HMCN2: variants seen among roughly 807,000 people sequenced by gnomAD.
The protein encoded by HMCN2 is hemicentin 2.
Under a neutral mutation model 377.5 loss-of-function variants are expected in HMCN2, and 325 were observed. That is an observed-to-expected ratio of 0.86 (90% CI 0.79 to 0.94). The LOEUF (loss-of-function observed/expected upper bound fraction) is 0.94. Ranked by LOEUF, HMCN2 falls within the 40% of genes least tolerant of loss-of-function variation. The pLI is 0.00. For missense variants in HMCN2, 4,543 were observed against 4,725.3 expected (o/e 0.96, Z 1.13); for synonymous variants, 2,007 against 2,046.8 (o/e 0.98, Z 0.53).
Position 130,418,636 on chromosome 9 carries a change from G to T in HMCN2, c.12962-136G>T, listed in dbSNP as rs1201792414. On this transcript the variant is annotated intron_variant, in intron 85 of 97. Coordinates refer to ENST00000683500, the MANE Select transcript of HMCN2 (RefSeq NM_001291815.2). Reference sequence around the variant, plus strand: ...GGGAAATATTCAGGAACGATGACTGGGTGGAAGGATCCTATGCAGTTCTTA... The same window carrying T: ...GGGAAATATTCAGGAACGATGACTGTGTGGAAGGATCCTATGCAGTTCTTA... 9.4e-6 allele frequency: 6 copies of T among 636,392 alleles called. No individual in the cohort carries two copies. In the East Asian group the frequency reaches 1.9e-4, roughly 20 times the overall value. 39.4% of individuals were successfully genotyped at this position (636,392 alleles called of 1,614,324 possible). A position where few individuals can be genotyped will look rare whatever the true frequency, so the allele number is the denominator to read the frequency against.
chr9:130,381,166 T>C (rs899675454), intron 54 of HMCN2, among the ~76,000 whole-genome samples: 5 of 152,142 alleles, frequency 3.3e-5, no homozygotes, highest in Admixed American at 3.3e-4. Flanking sequence ...GACCTTACAC[T>C]GACCTCAAAC....
rs2131673251 is a variant in HMCN2 at position 130,391,194 on chromosome 9, C to T, written c.9668-10C>T. The T allele has an allele frequency of 1.0e-6, 1 of 988,020 alleles. No individual in the cohort carries two copies. The highest frequency in any genetic ancestry group is 1.2e-6 in the Non-Finnish European group (1 of 830,312). 61.2% of individuals were successfully genotyped at this position (988,020 alleles called of 1,614,324 possible). A position where few individuals can be genotyped will look rare whatever the true frequency, so the allele number is the denominator to read the frequency against. Reference sequence around the variant, plus strand: ...CCATCACCCAGGGCCTCACTGCACCCCTGCCTCAGTGGCCCCCCGGATCCG... The same window carrying T: ...CCATCACCCAGGGCCTCACTGCACCTCTGCCTCAGTGGCCCCCCGGATCCG... On this transcript the variant is annotated splice_polypyrimidine_tract_variant and intron_variant, in intron 63 of 97. Coordinates refer to ENST00000683500, the MANE Select transcript of HMCN2 (RefSeq NM_001291815.2).
chr9:130,333,175 C>T (rs1411894472), intron 22 of HMCN2, among the ~76,000 whole-genome samples: 1 of 152,170 alleles, frequency 6.6e-6, no homozygotes, highest in Non-Finnish European at 1.5e-5. Flanking sequence ...TGGGGCATGC[C>T]GGGGACCTGG....
intron 3 of HMCN2, 111 bp downstream of exon 3, chr9:130,285,427 C>T (rs191815526): frequency 5.0e-6 from 2 of 400,648 alleles, no homozygotes; most frequent in Non-Finnish European, 1.0e-5. Context: ...CTGGGCACTT[C>T]TCTTCCACAG....
At chr9:130,293,768 C>T (rs1470381339) in intron 4 of HMCN2, among the ~76,000 whole-genome samples, 1 of 152,164 alleles carries the variant, frequency 6.6e-6, no homozygotes, top group Non-Finnish European at 1.5e-5. Context: ...TCTCTGCCCC[C>T]ACAGAGATCC....
intron 1 of HMCN2, among the ~76,000 whole-genome samples, chr9:130,281,691 T>C (rs999427516): frequency 3.3e-5 from 5 of 152,004 alleles, no homozygotes; most frequent in African/African-American, 1.2e-4. Flanking sequence ...GTCAGGAGTT[T>C]GAGACCGGCC....
intron 82 of HMCN2, 28 bp downstream of exon 82, chr9:130,406,196 C>T: frequency 2.3e-6 from 3 of 1,287,872 alleles, no homozygotes; most frequent in Non-Finnish European, 3.0e-6. Flanking sequence ...ATGGGTGGGA[C>T]AGAGAGCCAG....
At chr9:130,291,537 A>G (rs1422667393) in intron 4 of HMCN2, among the ~76,000 whole-genome samples, 4 of 152,222 alleles carry the variant, frequency 2.6e-5, no homozygotes, top group African/African-American at 9.7e-5. Context: ...AAATGACTTT[A>G]CTTTAATAAA....
intron 52 of HMCN2, among the ~76,000 whole-genome samples, 191 bp from the exon 53 acceptor site, chr9:130,377,458 T>C (rs1841452724): frequency 6.6e-6 from 1 of 152,260 alleles, no homozygotes; most frequent in Non-Finnish European, 1.5e-5. Flanking sequence ...TAAACTCTAC[T>C]ATTTTCACCC....
At chr9:130,315,001 T>C (rs1381826256) in intron 15 of HMCN2, among the ~76,000 whole-genome samples, 1 of 151,818 alleles carries the variant, frequency 6.6e-6, no homozygotes, top group Non-Finnish European at 1.5e-5. Flanking sequence ...TCATCTGACT[T>C]CACCAGGGCC....
In HMCN2 at chr9:130,324,788, C is replaced by G. The variant is rs1417798108; in HGVS notation, c.2921-807C>G. Among the ~76,000 whole-genome samples the G allele has an allele frequency of 2.0e-5, 3 of 151,978 alleles. No individual in the cohort carries two copies. In the East Asian group the frequency reaches 5.8e-4, roughly 29 times the overall value. The stretch of plus-strand genomic sequence containing the variant: ...TGCAGGCGCCCGCCACTGTACCGGT[C>G]TAATTTTTGTATTTTTAGTAGAGAC... On this transcript the variant is annotated intron_variant, in intron 19 of 97. Coordinates refer to ENST00000683500, the MANE Select transcript of HMCN2 (RefSeq NM_001291815.2).
chr9:130,356,381 T>A, intron 34 of HMCN2, 124 bp downstream of exon 34: 1 of 974,748 alleles, frequency 1.0e-6, no homozygotes. Context: ...GTTTCTGGGC[T>A]GGACTTCCCA....
chr9:130,292,064 G>T (rs1418194), intron 4 of HMCN2, among the ~76,000 whole-genome samples: 93,389 of 150,454 alleles, frequency 0.62, 29,787 homozygotes, highest in East Asian at 0.86. Context: ...AACTGGATAA[G>T]TCCAAAGGTC....
rs1398688088 is a variant in HMCN2, at chr9:130,351,521, G to C, written c.4529G>C (p.Cys1510Ser). 3 of 1,304,264 alleles carry C rather than the reference G, an allele frequency of 2.3e-6. No homozygotes were observed. The Admixed American group carries it at 6.9e-5, about 30-fold the overall frequency. 80.8% of individuals were successfully genotyped at this position (1,304,264 alleles called of 1,614,324 possible). ...GTGGGGGATGAGGGACGATACCAGTGCGTGGCCTTCAGCCCAGCTGGTCAG... is the reference window on the plus strand; with the variant it reads ...GTGGGGGATGAGGGACGATACCAGTCCGTGGCCTTCAGCCCAGCTGGTCAG... Reference protein sequence around the residue: ...SHVGDEGRYQCVAFSPAGQQA... With the variant: ...SHVGDEGRYQSVAFSPAGQQA... Residue 1510 changes from cysteine to serine, a missense_variant, in exon 30 of 98, where the codon TGC (cysteine) becomes TCC (serine). By Grantham distance (112) the Cys-to-Ser change is moderately radical (BLOSUM62 -1). Coordinates refer to ENST00000683500, the MANE Select transcript of HMCN2 (RefSeq NM_001291815.2). This position sits in a 1 kb window ranked among gnomAD's most constrained non-coding sequence, Gnocchi z 5.4.
rs75304319 is a variant in HMCN2, at chr9:130,407,712, C to T, written c.12688+7C>T. ...AGCTTCGTCCACGTGAAGGGTAGGGCACATTCCCCAGGTGGCTTCTCTCTC... is the reference window on the plus strand; with the variant it reads ...AGCTTCGTCCACGTGAAGGGTAGGGTACATTCCCCAGGTGGCTTCTCTCTC... On this transcript the variant is annotated splice_region_variant and intron_variant, in intron 83 of 97. Coordinates refer to ENST00000683500, the MANE Select transcript of HMCN2 (RefSeq NM_001291815.2). 3,590 of 1,213,520 alleles carry T rather than the reference C, an allele frequency of 3.0e-3. 93 individuals are homozygous for T. In the African/African-American group the frequency reaches 0.052, roughly 17 times the overall value. 75.2% of individuals were successfully genotyped at this position (1,213,520 alleles called of 1,614,324 possible).
At chr9:130,294,793 C>A in intron 4 of HMCN2, 62 bp from the exon 5 acceptor site, 1 of 361,392 alleles carries the variant, frequency 2.8e-6, no homozygotes, top group Non-Finnish European at 5.8e-6. Flanking sequence ...TGCCTAAAAT[C>A]CATGGGAGGG....
chr9:130,348,869 G>C (rs577362144), intron 27 of HMCN2, 115 bp from the exon 28 acceptor site: 1 of 1,206,510 alleles, frequency 8.3e-7, no homozygotes, highest in Non-Finnish European at 1.1e-6. Flanking sequence ...GTGGCAGAGA[G>C]CATGGCACCG....
At position 130,354,949 on chromosome 9, in the gene HMCN2, T is replaced by A. The variant is rs1219636248; in HGVS notation, c.5051T>A (p.Leu1684Gln). 7.7e-7 allele frequency: 1 copy of A among 1,303,100 alleles called. No homozygotes were observed. The highest frequency in any genetic ancestry group is 1.0e-6 in the Non-Finnish European group (1 of 988,902). The allele number at this position is 1,303,100 out of a possible 1,614,324, so 80.7% of individuals were successfully genotyped here. Residue 1684 changes from leucine (L) to glutamine (Q), a missense_variant, in exon 32 of 98, where the codon CTG becomes CAG. This residue lies in a region of HMCN2 where 1,032 missense variants were observed against 1,285.1 expected (regional missense o/e 0.80). Transcript: ENST00000683500. ...RLETDGSVLR[L>Q]ESPGEASSGL... is the part of the protein sequence containing the mutation. ...GAGACAGACGGGAGTGTGCTGAGGC[T>A]GGAGAGCCCGGGGGAGGCATCCAGT...
chr9:130,380,160 G>A (rs558130618), intron 54 of HMCN2, among the ~76,000 whole-genome samples: 6 of 152,348 alleles, frequency 3.9e-5, no homozygotes, highest in East Asian at 1.9e-4. Context: ...GATTATAGGC[G>A]TGAGCCACCA....
Sources: allele counts gnomAD v4.1 joint callset (sites outside exome capture counted in the v4.1 genomes callset), GRCh38; gene constraint gnomAD v4.1.1; regional missense constraint gnomAD v4.1.1; non-coding constraint Gnocchi (gnomAD v3.1); transcripts MANE v1.5; gene names NCBI Gene and HGNC (gene_info 2026-07-23, HGNC 2026-07-21).